GALNT11: variants seen among roughly 807,000 people sequenced by gnomAD.
GALNT11 encodes the protein polypeptide N-acetylgalactosaminyltransferase 11.
Under a neutral mutation model 72.7 loss-of-function variants are expected in GALNT11, and 47 were observed. The observed-to-expected ratio is 0.65, with a 90% CI of 0.51 to 0.82. GALNT11 has a LOEUF of 0.82. GALNT11 is among the 40% of genes least tolerant of loss of function. The pLI is 0.00. For missense variants in GALNT11, 677 were observed against 778.4 expected (o/e 0.87, Z 1.55); for synonymous variants, 270 against 286.6 (o/e 0.94, Z 0.58).
chr7:152,098,569 A>AG (rs2086545626), intron 2 of GALNT11, among the ~76,000 whole-genome samples: 1 of 152,188 alleles, frequency 6.6e-6, no homozygotes, highest in South Asian at 2.1e-4. Context: ...TAGGGGAATA[A>AG]GAAAAGTAAG....
chr7:152,103,637 A>C (rs78089964), intron 4 of GALNT11: 1 of 224,016 alleles, frequency 4.5e-6, no homozygotes, highest in East Asian at 8.8e-5. Context: ...ACATTGGTAC[A>C]GTGTGTGTGG....
At chr7:152,118,273 G>A (rs140050390) in intron 9 of GALNT11, 9 of 183,192 alleles carry the variant, frequency 4.9e-5, no homozygotes, top group African/African-American at 1.7e-4. Context: ...AGTTGTCACC[G>A]GTGTCTCTCC....
intron 10 of GALNT11, 131 bp downstream of exon 10, chr7:152,118,913 G>C: frequency 1.6e-6 from 1 of 631,012 alleles, no homozygotes; most frequent in Non-Finnish European, 2.6e-6. Flanking sequence ...TCTGTGTAGT[G>C]TTGCGTTATT....
intron 8 of GALNT11, among the ~76,000 whole-genome samples, chr7:152,115,873 A>G (rs988588517): frequency 2.0e-5 from 3 of 152,114 alleles, no homozygotes; most frequent in African/African-American, 4.8e-5. Flanking sequence ...CCTGACCAAC[A>G]TGGAGAAACC....
chr7:152,055,200 TAC>T (rs2083600728), intron 1 of GALNT11, among the ~76,000 whole-genome samples: 2 of 152,174 alleles, frequency 1.3e-5, no homozygotes, highest in South Asian at 4.1e-4. Context: ...TATCTGTAAA[TAC>T]AGTTACACTC....
intron 1 of GALNT11, among the ~76,000 whole-genome samples, chr7:152,048,632 C>T (rs2083257200): frequency 6.6e-6 from 1 of 151,684 alleles, no homozygotes; most frequent in Non-Finnish European, 1.5e-5. Context: ...CAGGTTCATG[C>T]CATTGTCCTG....
chr7:152,097,786 G>A (rs1043339235), intron 2 of GALNT11, among the ~76,000 whole-genome samples: 4 of 152,208 alleles, frequency 2.6e-5, no homozygotes, highest in Non-Finnish European at 5.9e-5. Context: ...TATGTGAAAT[G>A]TCTAGAATAG....
rs148492139 is a variant in GALNT11 at position 152,081,633 on chromosome 7, T to G, written c.-38-12557T>G. ...TAGTTTCCTGGATTGCATAGTAGTG[T>G]AAGGCTACTCTTCACCTGCAAAGAT... On this transcript the variant is annotated intron_variant, in intron 1 of 11. Transcript: ENST00000430044. 1.7e-3 allele frequency among the ~76,000 whole-genome samples: 253 copies of G among 152,354 alleles called. 1 individual carries two copies. Among genetic ancestry groups the G allele is most frequent in the African/African-American group, 5.8e-3 (242 of 41,584 alleles).
chr7:152,086,885 G>T (rs867397354), intron 1 of GALNT11, among the ~76,000 whole-genome samples: 3 of 152,120 alleles, frequency 2.0e-5, no homozygotes, highest in Non-Finnish European at 4.4e-5. Flanking sequence ...CATGGCTGTT[G>T]TTCTGTGCTA....
At chr7:152,076,147 A>G (rs993876653) in intron 1 of GALNT11, among the ~76,000 whole-genome samples, 11 of 150,564 alleles carry the variant, frequency 7.3e-5, no homozygotes, top group African/African-American at 2.4e-4. Flanking sequence ...AAGTATGAAG[A>G]TATGTTACTG....
At chr7:152,077,216 A>G (rs2085039810) in intron 1 of GALNT11, among the ~76,000 whole-genome samples, 1 of 152,228 alleles carries the variant, frequency 6.6e-6, no homozygotes, top group South Asian at 2.1e-4. Context: ...GCTTCCGATA[A>G]TGGCCTGAGT....
At chr7:152,080,920 A>G (rs1040221202) in intron 1 of GALNT11, among the ~76,000 whole-genome samples, 2 of 152,176 alleles carry the variant, frequency 1.3e-5, no homozygotes, top group African/African-American at 4.8e-5. Flanking sequence ...CAGTGAGCCA[A>G]GATCTCGCCA....
chr7:152,033,307 C>T (rs1299774468), intron 1 of GALNT11, among the ~76,000 whole-genome samples: 1 of 152,204 alleles, frequency 6.6e-6, no homozygotes, highest in Non-Finnish European at 1.5e-5. Flanking sequence ...GATTGGCCTG[C>T]TCCATTTTCT....
intron 1 of GALNT11, among the ~76,000 whole-genome samples, chr7:152,064,033 C>T (rs1197924430): frequency 9.9e-5 from 15 of 152,052 alleles, no homozygotes; most frequent in Non-Finnish European, 1.8e-4. Flanking sequence ...TGTGTCTCAT[C>T]GATCTGTCTA....
At chr7:152,118,631 G>A (rs923353353) in intron 9 of GALNT11, 47 bp from the exon 10 acceptor site, 33 of 1,559,524 alleles carry the variant, frequency 2.1e-5, no homozygotes, top group East Asian at 9.2e-5. Context: ...CTTGGGAGGC[G>A]TCTCTGGGAT....
At chr7:152,095,594 A>G (rs887661594) in intron 2 of GALNT11, among the ~76,000 whole-genome samples, 4 of 152,228 alleles carry the variant, frequency 2.6e-5, no homozygotes, top group African/African-American at 9.6e-5. Flanking sequence ...ATATTTTTAA[A>G]TAGAGACGTG....
At chr7:152,081,241 A>G (rs574328343) in intron 1 of GALNT11, among the ~76,000 whole-genome samples, 4 of 152,300 alleles carry the variant, frequency 2.6e-5, no homozygotes, top group African/African-American at 4.8e-5. Context: ...AGTGACCTTT[A>G]TGTAATTTAA....
chr7:152,078,179 AAGG>A (rs1298927272), intron 1 of GALNT11, among the ~76,000 whole-genome samples: 1 of 151,850 alleles, frequency 6.6e-6, no homozygotes, highest in Non-Finnish European at 1.5e-5. Context: ...TGAATCCTAG[AAGG>A]AGAAGAGGGA....
chr7:152,110,389 A>T, intron 6 of GALNT11, 139 bp from the exon 7 acceptor site: 5 of 719,032 alleles, frequency 7.0e-6, no homozygotes, highest in Non-Finnish European at 1.2e-5. Context: ...TCATTCTCTG[A>T]TACTGGATAA....
Sources: gnomAD v4.1 joint callset for allele counts (sites outside exome capture counted in the v4.1 genomes callset) on GRCh38, gnomAD v4.1.1 for gene constraint, MANE v1.5 for transcripts, NCBI Gene and HGNC (gene_info 2026-07-23, HGNC 2026-07-21) for gene names.